The following BICC1 variants were observed in gnomAD, a reference collection of about 807,000 sequenced individuals.
BICC1 encodes the protein BicC family RNA binding protein 1, also known as protein bicaudal C homolog 1.
In BICC1, 43 loss-of-function variants were observed where a neutral mutation model predicts 111.0. The ratio of observed to expected loss-of-function variants is 0.39; its 90% CI spans 0.30 to 0.50. The LOEUF (loss-of-function observed/expected upper bound fraction) is 0.50. Among genes scored for constraint, BICC1 ranks in the 20% least tolerant of loss-of-function variants. The pLI, the probability that BICC1 is intolerant of heterozygous loss-of-function variation, is 0.88. For synonymous variants in BICC1, 467 were observed against 434.4 expected, an observed-to-expected ratio of 1.07 and a Z score of -0.93; for missense variants, 1,091 against 1,203.2, an observed-to-expected ratio of 0.91 and a Z score of 1.38.
intron 1 of BICC1, among the ~76,000 whole-genome samples, chr10:58,596,281 C>A (rs1371176827): frequency 6.6e-6 from 1 of 152,154 alleles, no homozygotes; most frequent in Non-Finnish European, 1.5e-5. Flanking sequence ...TAAATGTAAT[C>A]CATCACATAA....
chr10:58,531,422 T>C (rs1439347616), intron 1 of BICC1, among the ~76,000 whole-genome samples: 3 of 151,862 alleles, frequency 2.0e-5, no homozygotes, highest in East Asian at 3.9e-4. Context: ...AATCTCTAGC[T>C]GGGCTGATTG....
chr10:58,811,963 A>G (rs1843920630), intron 17 of BICC1, among the ~76,000 whole-genome samples: 1 of 152,094 alleles, frequency 6.6e-6, no homozygotes, highest in African/African-American at 2.4e-5. Flanking sequence ...CAGAGAAGAG[A>G]CTGGAGAGAG....
At chr10:58,555,065 A>C (rs1410115792) in intron 1 of BICC1, among the ~76,000 whole-genome samples, 2 of 152,002 alleles carry the variant, frequency 1.3e-5, no homozygotes, top group Non-Finnish European at 2.9e-5. Flanking sequence ...AAAAAGAACA[A>C]GTAATAAGTA....
chr10:58,592,246 G>A (rs1844643758), intron 1 of BICC1, among the ~76,000 whole-genome samples: 1 of 152,268 alleles, frequency 6.6e-6, no homozygotes, highest in African/African-American at 2.4e-5. Context: ...GCTAAAGTTA[G>A]GATAATGTTC....
At chr10:58,718,918 A>G (rs1241325033) in intron 3 of BICC1, among the ~76,000 whole-genome samples, 1 of 152,114 alleles carries the variant, frequency 6.6e-6, no homozygotes, top group Non-Finnish European at 1.5e-5. Flanking sequence ...TGATACAATA[A>G]GTTGTTTGGT....
chr10:58,786,793 G>C, intron 4 of BICC1, 130 bp from the exon 5 acceptor site: 1 of 492,236 alleles, frequency 2.0e-6, no homozygotes, highest in Non-Finnish European at 3.3e-6. Flanking sequence ...AGATTAAGAT[G>C]ATCTTATTAA....
Position 58,789,826 on chromosome 10 carries a change from A to G in BICC1, c.940A>G (p.Thr314Ala). ...GSNIKHIMQR[T>A]GAQIHFPDPS... ...CAACATCAAACATATCATGCAGAGA[A>G]CAGGTGCTCAGATCCACTTTCCTGA... The change falls in exon 8 of 21, where the codon ACA becomes GCA. Residue 314 changes from threonine (T) to alanine (A), a missense_variant. Thr to Ala is a moderately conservative substitution (Grantham distance 58). This residue lies in a region of BICC1 where 843 missense variants were observed against 900.8 expected (regional missense o/e 0.94). Transcript: ENST00000373886. The G allele has an allele frequency of 2.5e-6, 4 of 1,614,172 alleles. No individual in the cohort carries two copies. Among genetic ancestry groups the G allele is most frequent in the Non-Finnish European group, 3.4e-6 (4 of 1,180,020 alleles).
At chr10:58,589,900 G>A (rs1210989439) in intron 1 of BICC1, among the ~76,000 whole-genome samples, 1 of 152,002 alleles carries the variant, frequency 6.6e-6, no homozygotes, top group African/African-American at 2.4e-5. Flanking sequence ...TGAACTCGTG[G>A]CCTCAAGCGA....
chr10:58,804,580 T>G (rs1023850491), intron 15 of BICC1, among the ~76,000 whole-genome samples: 1 of 152,226 alleles, frequency 6.6e-6, no homozygotes, highest in Non-Finnish European at 1.5e-5. Flanking sequence ...GGATGTATTT[T>G]CAGTTAATAT....
intron 3 of BICC1, among the ~76,000 whole-genome samples, chr10:58,747,256 ACTG>A (rs1841860885): frequency 1.3e-5 from 2 of 152,174 alleles, no homozygotes; most frequent in Non-Finnish European, 2.9e-5. Flanking sequence ...GGTCATTTCT[ACTG>A]CTGTCTTTAT....
intron 5 of BICC1, among the ~76,000 whole-genome samples, chr10:58,788,046 T>G (rs919963003): frequency 6.6e-6 from 1 of 152,036 alleles, no homozygotes; most frequent in Non-Finnish European, 1.5e-5. Flanking sequence ...GCAAAGAGCT[T>G]AAACAAAACG....
intron 3 of BICC1, among the ~76,000 whole-genome samples, chr10:58,770,425 T>C (rs1249777678): frequency 6.6e-6 from 1 of 152,140 alleles, no homozygotes; most frequent in Non-Finnish European, 1.5e-5. Flanking sequence ...ATGTTGTACA[T>C]TCTTAATACT....
chr10:58,791,017 G>A (rs567898749), intron 8 of BICC1, among the ~76,000 whole-genome samples: 1 of 152,224 alleles, frequency 6.6e-6, no homozygotes, highest in Non-Finnish European at 1.5e-5. Flanking sequence ...TTATTTTTGA[G>A]AAACTTTCAG....
In BICC1 at chr10:58,630,431, G is replaced by T. The variant is rs114293285; in HGVS notation, c.237+9530G>T. Among the ~76,000 whole-genome samples, 512 of 152,204 alleles carry T rather than the reference G, an allele frequency of 3.4e-3. 5 individuals carry two copies. Among genetic ancestry groups the T allele is most frequent in the African/African-American group, 0.012 (483 of 41,538 alleles). ...CATCTCAGGTTCTTTTCCTGTTTTT[G>T]TTTTGTTTTGTTTAAAGAGATGGGT... is the stretch of plus-strand genomic sequence containing the variant. On this transcript the variant is annotated intron_variant, in intron 2 of 20. Transcript: ENST00000373886.
Position 58,813,883 on chromosome 10 carries a change from A to G in BICC1, c.2430A>G (p.Gly810=), listed in dbSNP as rs779921227. The G allele has an allele frequency of 1.2e-6, 2 of 1,614,014 alleles. No homozygotes were observed. The highest frequency in any genetic ancestry group is 2.2e-5 in the South Asian group (2 of 91,078). ...RSNSREHLGG[G]SESDNWRDRN... is the part of the protein sequence containing the mutation. ...ACAGTCGTGAGCACTTGGGAGGTGG[A>G]AGCGAATCTGATAACTGGAGAGACC... The change falls in exon 18 of 21, where the codon GGA becomes GGG. Residue 810 remains glycine (G), a synonymous_variant. Coordinates refer to ENST00000373886, the MANE Select transcript of BICC1 (RefSeq NM_001080512.3).
chr10:58,690,133 T>C (rs1839868612), intron 2 of BICC1, among the ~76,000 whole-genome samples: 1 of 152,148 alleles, frequency 6.6e-6, no homozygotes, highest in Admixed American at 6.5e-5. Flanking sequence ...ATGAATAAAA[T>C]ACATACATAC....
chr10:58,807,575 GA>G (rs1243159458), intron 17 of BICC1, among the ~76,000 whole-genome samples: 72 of 152,312 alleles, frequency 4.7e-4, no homozygotes, highest in African/African-American at 1.6e-3. Context: ...TTTCAGATAT[GA>G]GTTAAAAATT....
intron 2 of BICC1, among the ~76,000 whole-genome samples, chr10:58,675,894 C>T (rs752464160): frequency 2.6e-5 from 4 of 152,210 alleles, no homozygotes; most frequent in Non-Finnish European, 4.4e-5. Flanking sequence ...GAGAGACTAA[C>T]GCAGAAGGCG....
chr10:58,539,131 CAACCT>C (rs1174912797), intron 1 of BICC1, among the ~76,000 whole-genome samples: 1 of 151,728 alleles, frequency 6.6e-6, no homozygotes, highest in African/African-American at 2.4e-5. Flanking sequence ...GATACGGAAT[CAACCT>C]AAATACCCAT....
Sources: gnomAD v4.1 joint callset for allele counts (sites outside exome capture counted in the v4.1 genomes callset) on GRCh38, gnomAD v4.1.1 for gene constraint, gnomAD v4.1.1 regional missense constraint, MANE v1.5 for transcripts, NCBI Gene and HGNC (gene_info 2026-07-23, HGNC 2026-07-21) for gene names.